CNIH3: variants seen among roughly 807,000 people sequenced by gnomAD.
The protein encoded by CNIH3 is protein cornichon homolog 3.
CNIH3 carries 14 observed loss-of-function variants against 24.1 expected under a neutral mutation model. The observed-to-expected ratio is 0.58, with a 90% CI of 0.38 to 0.91. CNIH3 has a LOEUF of 0.91. Ranked by LOEUF, CNIH3 falls within the 40% of genes least tolerant of loss-of-function variation. CNIH3 has a pLI of 0.00. For missense variants in CNIH3, 178 were observed against 196.8 expected (o/e 0.90, Z 0.57); for synonymous variants, 68 against 73.8 (o/e 0.92, Z 0.40).
chr1:224,499,889 T>G (rs1350743445), intron 1 of CNIH3, among the ~76,000 whole-genome samples: 1 of 144,900 alleles, frequency 6.9e-6, no homozygotes, highest in Non-Finnish European at 1.5e-5. Flanking sequence ...CATAGCGACA[T>G]CCTATCTCTA....
At chr1:224,474,014 C>G (rs568652357) in intron 1 of CNIH3, among the ~76,000 whole-genome samples, 20 of 152,184 alleles carry the variant, frequency 1.3e-4, no homozygotes, top group African/African-American at 4.8e-4. Flanking sequence ...TATACAAACA[C>G]AAGGAAATTA....
chr1:224,712,143 C>T (rs1052305263), intron 3 of CNIH3, among the ~76,000 whole-genome samples: 4 of 152,218 alleles, frequency 2.6e-5, no homozygotes, highest in Admixed American at 1.3e-4. Flanking sequence ...CTCACTTTCA[C>T]GACATTGTTA....
chr1:224,556,178 C>CT (rs112250509), intron 3 of CNIH3, among the ~76,000 whole-genome samples: 2,016 of 141,572 alleles, frequency 0.014, 23 homozygotes, highest in African/African-American at 0.036. Flanking sequence ...GTTTTCCTAT[C>CT]TTTTTTTTTT....
chr1:224,528,605 C>T (rs1259624874), intron 2 of CNIH3, among the ~76,000 whole-genome samples: 1 of 152,160 alleles, frequency 6.6e-6, no homozygotes, highest in East Asian at 1.9e-4. Flanking sequence ...AGGCATGAGC[C>T]ACAGCAGCTG....
At chr1:224,571,342 A>G (rs1680807309) in intron 4 of CNIH3, among the ~76,000 whole-genome samples, 1 of 152,158 alleles carries the variant, frequency 6.6e-6, no homozygotes, top group African/African-American at 2.4e-5. Context: ...CAGCCAGGTG[A>G]GACACGGAGG....
At chr1:224,482,440 T>C (rs1044720916) in intron 1 of CNIH3, among the ~76,000 whole-genome samples, 6 of 152,078 alleles carry the variant, frequency 3.9e-5, no homozygotes, top group Non-Finnish European at 7.4e-5. Flanking sequence ...TCAAGGGCTC[T>C]TTAGTCAGCA....
At chr1:224,658,262 C>T (rs1336356929) in intron 1 of CNIH3, among the ~76,000 whole-genome samples, 1 of 152,172 alleles carries the variant, frequency 6.6e-6, no homozygotes, top group Non-Finnish European at 1.5e-5. Flanking sequence ...ACCTCCCTGG[C>T]TCAAGCAGTC....
intron 2 of CNIH3, among the ~76,000 whole-genome samples, chr1:224,528,188 T>G (rs1678919604): frequency 6.6e-6 from 1 of 152,182 alleles, no homozygotes; most frequent in Non-Finnish European, 1.5e-5. Flanking sequence ...TGATTGAGCC[T>G]GGGAGGTCAA....
chr1:224,704,550 A>G lies in CNIH3; in HGVS notation c.198+19707A>G, dbSNP rs1036125385. Reference sequence around the variant, plus strand: ...TAGCCTTCACCAAGATCCGCCGCTTATTCAGTTTGCCACATTTGCCTTCTC... The same window carrying G: ...TAGCCTTCACCAAGATCCGCCGCTTGTTCAGTTTGCCACATTTGCCTTCTC... On this transcript the variant is annotated intron_variant, in intron 3 of 5. Transcript: ENST00000272133. The surrounding 1 kb of genome is among the most constrained non-coding windows in gnomAD (Gnocchi z 4.2). 3.9e-5 allele frequency among the ~76,000 whole-genome samples: 6 copies of G among 152,150 alleles called. No individual in the cohort carries two copies. Among genetic ancestry groups the G allele is most frequent in the Non-Finnish European group, 7.3e-5 (5 of 68,032 alleles).
rs563945409 is a variant in CNIH3, at chr1:224,633,879, C to T, written c.81+16624C>T. 2.2e-4 allele frequency among the ~76,000 whole-genome samples: 33 copies of T among 152,368 alleles called. No individual in the cohort carries two copies. In the East Asian group the frequency reaches 4.6e-3, roughly 21 times the overall value. ...TTTGGTTTAATTTTTTAGCTTGTCA[C>T]CTCGCCTGTATTCAGGGAAAGCAAG... On this transcript the variant is annotated intron_variant, in intron 1 of 5. Transcript: ENST00000272133.
In CNIH3 at chr1:224,678,276, C is replaced by A. The variant is rs578077375; in HGVS notation, c.82-2682C>A. On this transcript the variant is annotated intron_variant, in intron 1 of 5. Coordinates refer to ENST00000272133, the MANE Select transcript of CNIH3 (RefSeq NM_152495.2). ...GTTTAACTGAAGCACATGAAAAGAC[C>A]TAGGGCTTTTAATTAATTCGAATTC... Among the ~76,000 whole-genome samples, 4 of 152,194 alleles carry A rather than the reference C, an allele frequency of 2.6e-5. No individual in the cohort carries two copies. In the East Asian group the frequency reaches 5.8e-4, roughly 22 times the overall value.
In CNIH3 at chr1:224,740,550, C is replaced by T. The variant is rs1210344242; in HGVS notation, c.*1194C>T. The stretch of plus-strand genomic sequence containing the variant: ...TATGTTTATTAAAATGCAGCGACAA[C>T]TTGAGTGTCTCACTTAACTGGCTCT... On this transcript the variant is annotated 3_prime_UTR_variant, in exon 6 of 6. Coordinates refer to ENST00000272133, the MANE Select transcript of CNIH3 (RefSeq NM_152495.2). 6.6e-6 allele frequency: 1 copy of T among 152,238 alleles called. No individual in the cohort carries two copies. Among genetic ancestry groups the T allele is most frequent in the African/African-American group, 2.4e-5 (1 of 41,452 alleles). The allele number at this position is 152,238 out of a possible 1,614,324, so 9.4% of individuals were successfully genotyped here. A position where few individuals can be genotyped will look rare whatever the true frequency, so the allele number is the denominator to read the frequency against.
intron 3 of CNIH3, among the ~76,000 whole-genome samples, chr1:224,694,482 G>C (rs1166740274): frequency 6.6e-6 from 1 of 152,120 alleles, no homozygotes; most frequent in Non-Finnish European, 1.5e-5. Context: ...ATCCACCCAG[G>C]ATAGTTAATT....
At chr1:224,579,712 G>A (rs138953235) in intron 4 of CNIH3, among the ~76,000 whole-genome samples, 6 of 152,224 alleles carry the variant, frequency 3.9e-5, no homozygotes, top group Non-Finnish European at 5.9e-5. Context: ...TTCTTGCTCT[G>A]TTAGTTCCTG....
rs1017620454 is a variant in CNIH3 at position 224,693,694 on chromosome 1, A to G, written c.198+8851A>G. 6.5e-4 allele frequency among the ~76,000 whole-genome samples: 99 copies of G among 152,174 alleles called. 2 individuals carry two copies. Among genetic ancestry groups the G allele is most frequent in the African/African-American group, 2.3e-3 (94 of 41,444 alleles). Reference sequence around the variant, plus strand: ...GGGGGGACTACAAAGTTAGGGGCAAAGGGTGTGGATATTCTTCAGTCAGAC... The same window carrying G: ...GGGGGGACTACAAAGTTAGGGGCAAGGGGTGTGGATATTCTTCAGTCAGAC... On this transcript the variant is annotated intron_variant, in intron 3 of 5. Transcript: ENST00000272133.
At chr1:224,480,273 C>G (rs1282782005) in intron 1 of CNIH3, among the ~76,000 whole-genome samples, 1 of 152,210 alleles carries the variant, frequency 6.6e-6, no homozygotes, top group Non-Finnish European at 1.5e-5. Flanking sequence ...AGACCGCACA[C>G]AGCACGGGAC....
intron 3 of CNIH3, among the ~76,000 whole-genome samples, chr1:224,694,649 T>C (rs1687079799): frequency 1.3e-5 from 2 of 152,228 alleles, no homozygotes; most frequent in Non-Finnish European, 2.9e-5. Flanking sequence ...TATAGTAGTA[T>C]AATTTGTAAT....
Position 224,600,314 on chromosome 1 carries a change from C to T in CNIH3, n.402+34050C>T, listed in dbSNP as rs145356882. Among the ~76,000 whole-genome samples the T allele has an allele frequency of 1.7e-4, 26 of 152,016 alleles. No homozygotes were observed. The East Asian group carries it at 3.9e-3, about 23-fold the overall frequency. ...AAGTGATTCTCCTGCCTCAGCCTCC[C>T]GAGTAGCTGTGATTATAGGCATGCA... On this transcript the variant is annotated intron_variant and non_coding_transcript_variant, in intron 3 of 7. Transcript: ENST00000478120.
chr1:224,484,656 A>G (rs911941742), intron 1 of CNIH3, among the ~76,000 whole-genome samples: 1 of 152,102 alleles, frequency 6.6e-6, no homozygotes, highest in African/African-American at 2.4e-5. Context: ...CTCCAGTTGC[A>G]TGTATATTAG....
Sources: gnomAD v4.1 joint callset for allele counts (sites outside exome capture counted in the v4.1 genomes callset) on GRCh38, gnomAD v4.1.1 for gene constraint, Gnocchi (gnomAD v3.1) non-coding constraint, MANE v1.5 for transcripts, NCBI Gene and HGNC (gene_info 2026-07-23, HGNC 2026-07-21) for gene names.